The following SAMD12 variants were observed in gnomAD, a reference collection of about 807,000 sequenced individuals.
SAMD12 encodes sterile alpha motif domain containing 12.
Under a neutral mutation model 15.0 loss-of-function variants are expected in SAMD12, and 9 were observed. That is an observed-to-expected ratio of 0.60 (90% CI 0.36 to 1.05). The LOEUF (loss-of-function observed/expected upper bound fraction) is 1.05, where lower values mean the gene tolerates loss of function less well. SAMD12 is among the 50% of genes least tolerant of loss of function. SAMD12 has a pLI of 0.01. For missense variants in SAMD12, 230 were observed against 234.2 expected (o/e 0.98, Z 0.12); for synonymous variants, 86 against 90.1 (o/e 0.96, Z 0.25).
intron 4 of SAMD12, among the ~76,000 whole-genome samples, chr8:118,335,593 C>G (rs188121983): frequency 6.6e-6 from 1 of 152,106 alleles, no homozygotes; most frequent in Non-Finnish European, 1.5e-5. Flanking sequence ...AAGTGTGTGC[C>G]GAATCTTTCA....
chr8:118,437,469 C>T (rs1048772903), intron 3 of SAMD12, among the ~76,000 whole-genome samples: 7 of 152,268 alleles, frequency 4.6e-5, no homozygotes, highest in Non-Finnish European at 1.0e-4. Flanking sequence ...CCTGACATGA[C>T]TAATAGCACA....
chr8:118,346,385 T>C (rs894305908), intron 4 of SAMD12, among the ~76,000 whole-genome samples: 1 of 152,170 alleles, frequency 6.6e-6, no homozygotes, highest in Admixed American at 6.5e-5. Flanking sequence ...TAGTCAGTTT[T>C]GCTCTCTCAA....
chr8:118,300,979 A>G (rs892689975), intron 4 of SAMD12, among the ~76,000 whole-genome samples: 3 of 152,192 alleles, frequency 2.0e-5, no homozygotes, highest in African/African-American at 7.2e-5. Context: ...GGAGTCAAAT[A>G]ATTTTATGCA....
intron 4 of SAMD12, among the ~76,000 whole-genome samples, chr8:118,346,687 T>C (rs1162978834): frequency 1.3e-5 from 2 of 152,174 alleles, no homozygotes; most frequent in Non-Finnish European, 2.9e-5. Context: ...CATATAGTTG[T>C]ATTCATGGCT....
intron 4 of SAMD12, among the ~76,000 whole-genome samples, chr8:118,233,169 C>T (rs908891193): frequency 2.6e-5 from 4 of 152,112 alleles, no homozygotes; most frequent in African/African-American, 4.8e-5. Flanking sequence ...TTCAACTTCT[C>T]GATAAATCCC....
At chr8:118,459,635 A>G (rs2130934224) in intron 2 of SAMD12, among the ~76,000 whole-genome samples, 1 of 152,316 alleles carries the variant, frequency 6.6e-6, no homozygotes, top group East Asian at 1.9e-4. Flanking sequence ...GGTACATGCA[A>G]AGACTTTTGA....
chr8:118,531,770 C>A (rs549059948), intron 2 of SAMD12, among the ~76,000 whole-genome samples: 59 of 152,056 alleles, frequency 3.9e-4, no homozygotes, highest in Non-Finnish European at 7.4e-4. Flanking sequence ...TTTTTGCACA[C>A]TGACTTTGTA....
At chr8:118,295,263 A>G (rs1237719481) in intron 4 of SAMD12, among the ~76,000 whole-genome samples, 1 of 152,182 alleles carries the variant, frequency 6.6e-6, no homozygotes, top group Non-Finnish European at 1.5e-5. Context: ...GGCTATTTTT[A>G]TGCATTTATT....
At chr8:118,419,940 A>C (rs913803982) in intron 3 of SAMD12, among the ~76,000 whole-genome samples, 1 of 152,166 alleles carries the variant, frequency 6.6e-6, no homozygotes, top group African/African-American at 2.4e-5. Context: ...GATGCTGAAA[A>C]TTTAATGAAT....
intron 2 of SAMD12, among the ~76,000 whole-genome samples, chr8:118,509,959 TGA>T (rs1825028716): frequency 1.3e-5 from 2 of 152,138 alleles, no homozygotes; most frequent in Non-Finnish European, 2.9e-5. Context: ...ATATTGAGGG[TGA>T]GAGTTATCTG....
intron 2 of SAMD12, among the ~76,000 whole-genome samples, chr8:118,477,647 A>T (rs1586749209): frequency 6.6e-6 from 1 of 152,188 alleles, no homozygotes; most frequent in East Asian, 1.9e-4. Flanking sequence ...CTCAATGGAC[A>T]TTGGGAACAG....
intron 2 of SAMD12, among the ~76,000 whole-genome samples, chr8:118,522,656 G>A: frequency 6.6e-6 from 1 of 152,134 alleles, no homozygotes; most frequent in South Asian, 2.1e-4. Flanking sequence ...TTGTCAGCAT[G>A]TCTTTCCAGA....
intron 4 of SAMD12, among the ~76,000 whole-genome samples, chr8:118,225,819 C>T (rs1170975010): frequency 6.6e-6 from 1 of 152,128 alleles, no homozygotes; most frequent in African/African-American, 2.4e-5. Context: ...CTTGAACTTA[C>T]AAAATCATCA....
rs377201864 is a variant in SAMD12 at position 118,201,947 on chromosome 8, G to A, written c.434-4215C>T. On this transcript the variant is annotated intron_variant, in intron 4 of 4. Transcript: ENST00000409003. ...GCCCTATGGCTTCAGAGTCTGGGAT[G>A]AGGAGGGAAGCACTGGAGTCTAGTG... 1.3e-4 allele frequency among the ~76,000 whole-genome samples: 20 copies of A among 152,346 alleles called. No homozygotes were observed. The South Asian group carries it at 3.9e-3, about 30-fold the overall frequency.
chr8:118,600,207 C>G (rs1462485763), intron 1 of SAMD12, among the ~76,000 whole-genome samples: 4 of 151,394 alleles, frequency 2.6e-5, no homozygotes, highest in African/African-American at 9.7e-5. Context: ...TTGAAGCAAG[C>G]AAAAATGTTG....
intron 1 of SAMD12, among the ~76,000 whole-genome samples, chr8:118,586,500 AC>A (rs1827447488): frequency 6.6e-6 from 1 of 151,688 alleles, no homozygotes; most frequent in Non-Finnish European, 1.5e-5. Flanking sequence ...GCACCACCAC[AC>A]CCAGCTAATT....
chr8:118,430,749 G>C (rs1307853687), intron 3 of SAMD12, among the ~76,000 whole-genome samples: 2 of 152,194 alleles, frequency 1.3e-5, no homozygotes, highest in East Asian at 3.8e-4. Context: ...GACTGTGTTA[G>C]TGTAATACAT....
intron 4 of SAMD12, among the ~76,000 whole-genome samples, chr8:118,355,809 T>C (rs754804017): frequency 1.3e-4 from 20 of 152,218 alleles, no homozygotes; most frequent in Non-Finnish European, 2.8e-4. Context: ...ACTAAACTTG[T>C]TCACAAAAGC....
chr8:118,197,385 A>G (rs1030424664), exon 5 of SAMD12: 2 of 401,898 alleles, frequency 5.0e-6, no homozygotes, highest in Non-Finnish European at 8.9e-6. Context: ...CAGGACTTCT[A>G]GTGAAGGGCA....
Sources: allele counts gnomAD v4.1 joint callset (sites outside exome capture counted in the v4.1 genomes callset), GRCh38; gene constraint gnomAD v4.1.1; transcripts MANE v1.5; gene names NCBI Gene and HGNC (gene_info 2026-07-23, HGNC 2026-07-21).